Variants in CCDC32 observed in about 807,000 individuals in gnomAD.
CCDC32 encodes the protein coiled-coil domain containing 32, also known as coiled-coil domain-containing protein 32.
A neutral mutation model predicts 20.1 loss-of-function variants in CCDC32; 9 were observed. That is an observed-to-expected ratio of 0.45 (90% confidence interval 0.27 to 0.78). CCDC32 has a LOEUF of 0.78. Ranked by LOEUF, CCDC32 falls within the 30% of genes least tolerant of loss-of-function variation. The probability of loss-of-function intolerance (pLI) is 0.16; values close to 1 mark genes in which losing one functional copy is unlikely to be tolerated. For synonymous variants in CCDC32, 63 were observed against 79.0 expected (o/e 0.80, Z 1.07); for missense variants, 204 against 215.5 (o/e 0.95, Z 0.33).
At chr15:40,563,064 T>C (rs774367047) in intron 1 of CCDC32, 37 bp from the exon 2 acceptor site, 8 of 1,598,168 alleles carry the variant, frequency 5.0e-6, no homozygotes, top group Non-Finnish European at 6.8e-6. Flanking sequence ...AGAACTGGCT[T>C]TAAGAATACA....
downstream of CCDC32, chr15:40,539,177 C>T (rs1889263362): frequency 7.1e-7 from 1 of 1,414,310 alleles, no homozygotes; most frequent in African/African-American, 1.5e-5. Context: ...AAACCTGACA[C>T]CACAGAAAGG....
chr15:40,527,888 A>G (rs1439031565), downstream of CCDC32, among the ~76,000 whole-genome samples: 1 of 152,230 alleles, frequency 6.6e-6, no homozygotes, highest in Non-Finnish European at 1.5e-5. Flanking sequence ...GCTCAGTTTT[A>G]GATATTCTGT....
At chr15:40,541,332 TA>T (rs1394827757) in intron 3 of CCDC32, among the ~76,000 whole-genome samples, 16 of 74,868 alleles carry the variant, frequency 2.1e-4, no homozygotes, top group East Asian at 3.9e-4. Flanking sequence ...TGAGCTGTAA[TA>T]TTTTTTTTTT....
intron 1 of CCDC32, among the ~76,000 whole-genome samples, chr15:40,563,280 C>T (rs1023034950): frequency 2.6e-5 from 4 of 152,082 alleles, no homozygotes; most frequent in Non-Finnish European, 4.4e-5. Flanking sequence ...GGAGGATCAC[C>T]TTAGCCCAGG....
At chr15:40,558,183 G>T (rs1890377764) in intron 2 of CCDC32, among the ~76,000 whole-genome samples, 1 of 152,178 alleles carries the variant, frequency 6.6e-6, no homozygotes, top group Non-Finnish European at 1.5e-5. Context: ...AAGTACATAG[G>T]TTAATGATGG....
At chr15:40,539,002 A>C (rs928810028), downstream of CCDC32, 6 of 529,788 alleles carry the variant, frequency 1.1e-5, no homozygotes, top group Admixed American at 1.9e-4. Context: ...CCCTCTTCCC[A>C]TGGGTTCTCT....
chr15:40,542,713 C>CA (rs1889447467), intron 3 of CCDC32, among the ~76,000 whole-genome samples: 1 of 151,826 alleles, frequency 6.6e-6, no homozygotes, highest in African/African-American at 2.4e-5. Context: ...CTAAAAAATA[C>CA]AAAAAATTAG....
chr15:40,561,214 C>T (rs1005960003), intron 2 of CCDC32, among the ~76,000 whole-genome samples: 2 of 152,098 alleles, frequency 1.3e-5, no homozygotes, highest in East Asian at 3.9e-4. Flanking sequence ...GTGGCTCACA[C>T]CTGTAATCCC....
downstream of CCDC32, chr15:40,536,959 T>C (rs571560894): frequency 6.6e-6 from 1 of 152,302 alleles, no homozygotes; most frequent in South Asian, 2.1e-4. Flanking sequence ...AGAAGAGGGA[T>C]TCACCAGAAA....
intron 3 of CCDC32, chr15:40,528,900 C>T (rs1204067228): frequency 3.1e-6 from 2 of 637,050 alleles, no homozygotes; most frequent in South Asian, 1.9e-5. Context: ...TCGTGTCTAA[C>T]CACCTCTGGC....
rs1470457979 is a variant in CCDC32, at chr15:40,553,404, C to T, written c.*567G>A. On this transcript the variant is annotated 3_prime_UTR_variant, in exon 4 of 4. Coordinates refer to ENST00000416810, the MANE Select transcript of CCDC32 (RefSeq NM_001080792.4). ...ACAAGGAACAAATGAGAGAAAGAAG[C>T]CCAGCCTCTCTCCCTGGAGTCCGTA... 11 of 985,106 alleles carry T rather than the reference C, an allele frequency of 1.1e-5. No homozygotes were observed. The highest frequency in any genetic ancestry group is 1.7e-5 in the African/African-American group (1 of 57,182). 61.0% of individuals were successfully genotyped at this position (985,106 alleles called of 1,614,324 possible).
At chr15:40,527,468 A>T (rs1477282095), downstream of CCDC32, among the ~76,000 whole-genome samples, 1 of 152,260 alleles carries the variant, frequency 6.6e-6, no homozygotes, top group South Asian at 2.1e-4. Flanking sequence ...ACCGCACCCC[A>T]CCGAATGTTC....
chr15:40,524,053 T>A (rs763696139), downstream of CCDC32, among the ~76,000 whole-genome samples: 3 of 150,964 alleles, frequency 2.0e-5, no homozygotes, highest in Non-Finnish European at 4.4e-5. Flanking sequence ...GACGGGAGAA[T>A]GGATAAGTAA....
chr15:40,522,391 A>G, the CCDC32 span, among the ~76,000 whole-genome samples: 4 of 152,176 alleles, frequency 2.6e-5, no homozygotes, highest in African/African-American at 9.7e-5. Context: ...AGGAAGTGTG[A>G]GCCCTCCAAC....
chr15:40,552,800 C>CAAAAAAAAAAAAAAAAAAAAAAA (rs1889955088), downstream of CCDC32: 1 of 66,822 alleles, frequency 1.5e-5, no homozygotes, highest in Non-Finnish European at 3.8e-5. Context: ...AAAAAAAAAG[C>CAAAAAAAAAAAAAAAAAAAAAAA]AAATGTTCTC....
chr15:40,534,139 T>C (rs544935573), downstream of CCDC32, among the ~76,000 whole-genome samples: 32 of 152,312 alleles, frequency 2.1e-4, 1 homozygote, highest in African/African-American at 7.5e-4. Context: ...GAGAAAAAGC[T>C]CTATGTGGAA....
At position 40,553,765 on chromosome 15, in the gene CCDC32, CA is replaced by C; in HGVS notation, c.*205del. On this transcript the variant is annotated 3_prime_UTR_variant, in exon 4 of 4. Transcript: ENST00000416810. ...CTTCATCCGAGACAGTCACACATGCCAGCCCCAGGTAAGTCCCTGGGGGCTT... is the reference window on the plus strand; with the variant it reads ...CTTCATCCGAGACAGTCACACATGCCGCCCCAGGTAAGTCCCTGGGGGCTT... 3 of 1,369,292 alleles carry C rather than the reference CA, an allele frequency of 2.2e-6. No individual in the cohort carries two copies. Among genetic ancestry groups the C allele is most frequent in the Non-Finnish European group, 2.8e-6 (3 of 1,062,098 alleles). The allele number at this position is 1,369,292 out of a possible 1,614,324, so 84.8% of individuals were successfully genotyped here. A position where few individuals can be genotyped will look rare whatever the true frequency, so the allele number is the denominator to read the frequency against.
downstream of CCDC32, chr15:40,534,863 C>A (rs1889040726): frequency 1.4e-6 from 1 of 702,150 alleles, no homozygotes; most frequent in Admixed American, 2.0e-5. Flanking sequence ...CACAAACACA[C>A]AGTCCATTGC....
At chr15:40,539,290 T>A in exon 4 of CCDC32, 1 of 1,535,578 alleles carries the variant, frequency 6.5e-7, no homozygotes, top group Non-Finnish European at 8.7e-7. Flanking sequence ...CTCAGCACAC[T>A]GGTGGCTGTC....
Sources: allele counts gnomAD v4.1 joint callset (sites outside exome capture counted in the v4.1 genomes callset), GRCh38; gene constraint gnomAD v4.1.1; transcripts MANE v1.5; gene names NCBI Gene and HGNC (gene_info 2026-07-23, HGNC 2026-07-21).